Variants in GALK2 observed in about 807,000 individuals in gnomAD.
GALK2 encodes the protein galactokinase 2.
A neutral mutation model predicts 52.4 loss-of-function variants in GALK2; 36 were observed. That is an observed-to-expected ratio of 0.69 (90% confidence interval 0.53 to 0.91). The LOEUF (loss-of-function observed/expected upper bound fraction) is 0.91. GALK2 is among the 40% of genes least tolerant of loss of function. The probability of loss-of-function intolerance (pLI) is 0.00; values close to 1 mark genes in which losing one functional copy is unlikely to be tolerated. For synonymous variants in GALK2, 176 were observed against 199.1 expected, an observed-to-expected ratio of 0.88 and a Z score of 0.98; for missense variants, 579 against 559.1, an observed-to-expected ratio of 1.04 and a Z score of -0.36.
intron 9 of GALK2, among the ~76,000 whole-genome samples, chr15:49,326,732 T>G: frequency 6.6e-6 from 1 of 152,176 alleles, no homozygotes; most frequent in East Asian, 1.9e-4. Context: ...GATGTTTATT[T>G]GTTTGTAAGC....
chr15:49,310,149 G>C (rs2035873396), intron 8 of GALK2, among the ~76,000 whole-genome samples: 1 of 151,996 alleles, frequency 6.6e-6, no homozygotes, highest in South Asian at 2.1e-4. Flanking sequence ...TAATCTCTCT[G>C]TGCCTGATTT....
chr15:49,180,761 T>A (rs1444385918), intron 1 of GALK2, among the ~76,000 whole-genome samples: 1 of 152,170 alleles, frequency 6.6e-6, no homozygotes, highest in Non-Finnish European at 1.5e-5. Flanking sequence ...TCATGTCAAT[T>A]GCCTAGAATG....
At chr15:49,205,432 T>A (rs2088196151) in intron 2 of GALK2, among the ~76,000 whole-genome samples, 1 of 152,104 alleles carries the variant, frequency 6.6e-6, no homozygotes, top group African/African-American at 2.4e-5. Context: ...CTTGCAGGAG[T>A]GAGGTGGTAT....
intron 1 of GALK2, among the ~76,000 whole-genome samples, chr15:49,184,599 ATTTCTAGCTTTTTATTT>A (rs1347363033): frequency 6.6e-6 from 1 of 151,754 alleles, no homozygotes; most frequent in Non-Finnish European, 1.5e-5. Flanking sequence ...CTGGTTTCTA[ATTTCTAGCTTTTTATTT>A]TTTGTGTATC....
At chr15:49,345,555 T>TA (rs1385545449) in intron 3 of GALK2, among the ~76,000 whole-genome samples, 1 of 152,240 alleles carries the variant, frequency 6.6e-6, no homozygotes, top group African/African-American at 2.4e-5. Context: ...TTATGAACAA[T>TA]GGTTATATTC....
At chr15:49,313,595 C>T (rs2036171045) in intron 8 of GALK2, among the ~76,000 whole-genome samples, 1 of 152,250 alleles carries the variant, frequency 6.6e-6, no homozygotes, top group South Asian at 2.1e-4. Context: ...TGCTCACTGT[C>T]TAGTAGTGTC....
At chr15:49,195,068 TTTTTA>T (rs755908985) in intron 1 of GALK2, 10 of 452,584 alleles carry the variant, frequency 2.2e-5, no homozygotes, top group South Asian at 9.3e-5. Context: ...ATTTCTTATT[TTTTTA>T]TTTTATTTGA....
chr15:49,294,140 C>CAAATAAAT (rs10677248), intron 8 of GALK2, among the ~76,000 whole-genome samples: 12,517 of 139,764 alleles, frequency 0.09, 687 homozygotes, highest in Admixed American at 0.14. Context: ...GACCCTGTCT[C>CAAATAAAT]AAATAAATAA....
intron 5 of GALK2, among the ~76,000 whole-genome samples, chr15:49,280,127 A>G (rs2032476096): frequency 6.6e-6 from 1 of 152,200 alleles, no homozygotes; most frequent in African/African-American, 2.4e-5. Flanking sequence ...CATCTCTCAC[A>G]AGAAACAGAT....
At chr15:49,184,979 T>TA (rs965790836) in intron 1 of GALK2, among the ~76,000 whole-genome samples, 1 of 152,176 alleles carries the variant, frequency 6.6e-6, no homozygotes, top group Non-Finnish European at 1.5e-5. Flanking sequence ...ATTTCTTTTT[T>TA]AAAAAAATTA....
intron 1 of GALK2, among the ~76,000 whole-genome samples, chr15:49,183,734 T>C (rs1307546027): frequency 2.0e-5 from 3 of 151,936 alleles, no homozygotes; most frequent in Non-Finnish European, 4.4e-5. Flanking sequence ...TCCCAGCTAC[T>C]TGGGAGGCTG....
At chr15:49,283,545 C>T (rs200059449) in intron 6 of GALK2, 21 bp from the exon 7 acceptor site, 1 of 1,582,482 alleles carries the variant, frequency 6.3e-7, no homozygotes, top group Non-Finnish European at 8.6e-7. Flanking sequence ...TATATTTCTC[C>T]TTTCATTTTT....
intron 3 of GALK2, among the ~76,000 whole-genome samples, chr15:49,346,606 A>G (rs1485198280): frequency 6.6e-6 from 1 of 152,148 alleles, no homozygotes; most frequent in Non-Finnish European, 1.5e-5. Context: ...GACCTCGGTG[A>G]TAACAGAATG....
At chr15:49,213,141 A>G (rs1302612338) in intron 2 of GALK2, among the ~76,000 whole-genome samples, 2 of 152,134 alleles carry the variant, frequency 1.3e-5, no homozygotes, top group Non-Finnish European at 2.9e-5. Flanking sequence ...TTTTAGTTTT[A>G]ATAATATTTG....
intron 3 of GALK2, among the ~76,000 whole-genome samples, chr15:49,341,215 T>A (rs1369948326): frequency 6.6e-6 from 1 of 152,206 alleles, no homozygotes; most frequent in Non-Finnish European, 1.5e-5. Flanking sequence ...TCAGCTTTGT[T>A]CTTTTTGCTT....
At chr15:49,299,770 T>TCTTTCTG (rs2034914271) in intron 8 of GALK2, among the ~76,000 whole-genome samples, 1 of 143,442 alleles carries the variant, frequency 7.0e-6, no homozygotes, top group East Asian at 2.0e-4. Context: ...TTTCTTTCTT[T>TCTTTCTG]CTTTCTTTCT....
intron 3 of GALK2, among the ~76,000 whole-genome samples, chr15:49,229,468 A>G (rs552279150): frequency 6.6e-6 from 1 of 152,310 alleles, no homozygotes; most frequent in East Asian, 1.9e-4. Flanking sequence ...CCCCTGTGCC[A>G]CAGGTGTTGC....
intron 5 of GALK2, 43 bp downstream of exon 5, chr15:49,239,410 T>G: frequency 2.5e-6 from 4 of 1,569,996 alleles, no homozygotes; most frequent in Non-Finnish European, 3.5e-6. Context: ...CCTCTCCTAA[T>G]AATCATTAGC....
chr15:49,251,463 CT>C (rs2091597817), intron 5 of GALK2, among the ~76,000 whole-genome samples: 1 of 152,038 alleles, frequency 6.6e-6, no homozygotes, highest in Non-Finnish European at 1.5e-5. Context: ...ATGAAGAGAC[CT>C]TCTAGAGTGC....
Sources: gnomAD v4.1 joint callset for allele counts (sites outside exome capture counted in the v4.1 genomes callset) on GRCh38, gnomAD v4.1.1 for gene constraint, MANE v1.5 for transcripts, NCBI Gene and HGNC (gene_info 2026-07-23, HGNC 2026-07-21) for gene names.